PROKR1: variants seen among roughly 807,000 people sequenced by gnomAD.
The protein encoded by PROKR1 is G protein-coupled receptor 73.
Under a neutral mutation model 22.8 loss-of-function variants are expected in PROKR1, and 21 were observed. The ratio of observed to expected loss-of-function variants is 0.92; its 90% CI spans 0.65 to 1.32. The LOEUF (loss-of-function observed/expected upper bound fraction) is 1.32, where lower values mean the gene tolerates loss of function less well. Among genes scored for constraint, PROKR1 ranks in the 40% most tolerant of loss-of-function variants. PROKR1 has a pLI of 0.00. For synonymous variants in PROKR1, 193 were observed against 207.5 expected (o/e 0.93, Z 0.60); for missense variants, 548 against 514.2 (o/e 1.07, Z -0.64).
At chr2:68,644,856 C>G (rs1344981277) in intron 1 of PROKR1, among the ~76,000 whole-genome samples, 1 of 152,102 alleles carries the variant, frequency 6.6e-6, no homozygotes, top group Non-Finnish European at 1.5e-5. Context: ...CACCCCAGCC[C>G]CATTATGTGG....
Position 68,645,971 on chromosome 2 carries a change from G to A in PROKR1, c.150G>A (p.Glu50=). The A allele has an allele frequency of 1.2e-6, 2 of 1,614,230 alleles. No homozygotes were observed. The highest frequency in any genetic ancestry group is 1.7e-6 in the Non-Finnish European group (2 of 1,180,032). The change falls in exon 2 of 3, where the codon GAG becomes GAA. Residue 50 remains glutamate, a synonymous_variant. Coordinates refer to ENST00000303786, the MANE Select transcript of PROKR1 (RefSeq NM_138964.4). ...SDYDMPLDED[E]DVTNSRTFFA... is the part of the protein sequence containing the mutation. ...ATGATATGCCTTTGGATGAAGATGA[G>A]GATGTGACCAATTCCAGGACGTTCT...
At chr2:68,647,315 A>G (rs990756885) in intron 2 of PROKR1, among the ~76,000 whole-genome samples, 4 of 152,136 alleles carry the variant, frequency 2.6e-5, no homozygotes, top group Admixed American at 6.5e-5. Flanking sequence ...TCGGGGGACA[A>G]TCTTTGCTAG....
chr2:68,654,865 G>T lies in PROKR1; in HGVS notation c.486-15G>T. 6.3e-7 allele frequency: 1 copy of T among 1,585,048 alleles called. No individual in the cohort carries two copies. ...TTTCTCACAGTGGCTGCCTCCACTT[G>T]TGTTCTTGCCCTAGGTATCTGGCTA... On this transcript the variant is annotated splice_polypyrimidine_tract_variant and intron_variant, in intron 2 of 2. Transcript: ENST00000303786.
Position 68,645,783 on chromosome 2 carries a change from G to A in PROKR1, c.-39G>A. ...TCAGCCTTGCAGACATTGCCCTGGG[G>A]AATTCTGAGCAGTGTTGCTCACAGC... is the stretch of plus-strand genomic sequence containing the variant. On this transcript the variant is annotated 5_prime_UTR_variant, in exon 2 of 3. Coordinates refer to ENST00000303786, the MANE Select transcript of PROKR1 (RefSeq NM_138964.4). The A allele has an allele frequency of 1.2e-6, 2 of 1,614,082 alleles. No individual in the cohort carries two copies. The highest frequency in any genetic ancestry group is 1.7e-6 in the Non-Finnish European group (2 of 1,180,028).
intron 2 of PROKR1, 72 bp from the exon 3 acceptor site, chr2:68,654,808 A>C (rs1207050518): frequency 5.3e-5 from 25 of 472,512 alleles, no homozygotes; most frequent in Non-Finnish European, 6.7e-5. Context: ...CCCTGTTTCA[A>C]AAAAAAAAAA....
intron 1 of PROKR1, among the ~76,000 whole-genome samples, chr2:68,644,441 G>C (rs4854479): frequency 0.17 from 26,123 of 152,040 alleles, 2,634 homozygotes; most frequent in Non-Finnish European, 0.23. Flanking sequence ...TTGAGAGCTC[G>C]GAGGAAGGAA....
In PROKR1 at chr2:68,657,299, C is replaced by T. The variant is rs960494417; in HGVS notation, c.*1723C>T. On this transcript the variant is annotated 3_prime_UTR_variant, in exon 3 of 3. Transcript: ENST00000303786. ...GCGCCTGGACAAGAAAAACCTCTTA[C>T]TTTGGCTTGTGTATCCAGAAACCTG... is the stretch of plus-strand genomic sequence containing the variant. The T allele has an allele frequency of 6.6e-6, 1 of 152,226 alleles. No individual in the cohort carries two copies. The highest frequency in any genetic ancestry group is 2.1e-4 in the South Asian group (1 of 4,834). 9.4% of individuals were successfully genotyped at this position (152,226 alleles called of 1,614,324 possible).
intron 2 of PROKR1, among the ~76,000 whole-genome samples, chr2:68,651,719 T>A (rs1418791626): frequency 6.6e-6 from 1 of 152,222 alleles, no homozygotes; most frequent in African/African-American, 2.4e-5. Context: ...TACCATGATT[T>A]GATCTGGGGC....
In PROKR1 at chr2:68,646,248, C is replaced by G. The variant is rs2104180201; in HGVS notation, c.427C>G (p.Leu143Val). 6.2e-7 allele frequency: 1 copy of G among 1,614,158 alleles called. No homozygotes were observed. Among genetic ancestry groups the G allele is most frequent in the Non-Finnish European group, 8.5e-7 (1 of 1,179,988 alleles). The change falls in exon 2 of 3, where the codon CTG (leucine) becomes GTG (valine). Residue 143 changes from leucine to valine, a missense_variant. By Grantham distance (32) the Leu-to-Val change is conservative (BLOSUM62 1). Transcript: ENST00000303786. ...CGTCCTGTGCACCTCTGTCAACTAC[C>G]TGCGCACTGTCTCTCTCTATGTCTC... ...GHVLCTSVNY[L>V]RTVSLYVSTN...
chr2:68,655,577 C>T lies in PROKR1; in HGVS notation c.*1C>T, dbSNP rs1435246129. On this transcript the variant is annotated 3_prime_UTR_variant, in exon 3 of 3. Coordinates refer to ENST00000303786, the MANE Select transcript of PROKR1 (RefSeq NM_138964.4). ...GGTGGACTGCATCAGACTAAAATAA[C>T]CCCCTGGACTTTGCAAAGTTTAAAC... 10 of 1,613,282 alleles carry T rather than the reference C, an allele frequency of 6.2e-6. No individual in the cohort carries two copies. In the South Asian group the frequency reaches 1.1e-4, roughly 18 times the overall value.
chr2:68,645,933 A>G lies in PROKR1; in HGVS notation c.112A>G (p.Ser38Gly). The G allele has an allele frequency of 6.2e-7, 1 of 1,614,174 alleles. No homozygotes were observed. The highest frequency in any genetic ancestry group is 1.1e-5 in the South Asian group (1 of 91,088). The change falls in exon 2 of 3, where the codon AGC (serine) becomes GGC (glycine). Residue 38 changes from serine to glycine, a missense_variant. Coordinates refer to ENST00000303786, the MANE Select transcript of PROKR1 (RefSeq NM_138964.4). ...TGCCACTTCCTTCCCATTCAACTTCAGCTACAGCGACTATGATATGCCTTT... is the reference window on the plus strand; with the variant it reads ...TGCCACTTCCTTCCCATTCAACTTCGGCTACAGCGACTATGATATGCCTTT... ...AHATSFPFNFSYSDYDMPLDE... is the reference protein window; with the variant it reads ...AHATSFPFNFGYSDYDMPLDE...
rs1319908204 is a variant in PROKR1, at chr2:68,645,789, T to A, written c.-33T>A. The A allele has an allele frequency of 5.6e-6, 9 of 1,614,084 alleles. No individual in the cohort carries two copies. In the Admixed American group the frequency reaches 1.3e-4, roughly 24 times the overall value. ...TTGCAGACATTGCCCTGGGGAATTC[T>A]GAGCAGTGTTGCTCACAGCACCACC... On this transcript the variant is annotated 5_prime_UTR_variant, in exon 2 of 3. Coordinates refer to ENST00000303786, the MANE Select transcript of PROKR1 (RefSeq NM_138964.4).
chr2:68,654,752 C>T, intron 2 of PROKR1, 128 bp from the exon 3 acceptor site: 1 of 861,434 alleles, frequency 1.2e-6, no homozygotes, highest in Non-Finnish European at 1.8e-6. Context: ...GAGCTATGAT[C>T]ATGCCACTGC....
At chr2:68,646,968 A>G (rs1055394770) in intron 2 of PROKR1, among the ~76,000 whole-genome samples, 5 of 152,162 alleles carry the variant, frequency 3.3e-5, no homozygotes, top group Admixed American at 6.5e-5. Context: ...GGATCACTTG[A>G]GCCCAGGAAT....
Position 68,657,792 on chromosome 2 carries a change from A to G in PROKR1, c.*2216A>G, listed in dbSNP as rs1673503097. The G allele has an allele frequency of 6.6e-6, 1 of 152,198 alleles. No homozygotes were observed. The highest frequency in any genetic ancestry group is 6.5e-5 in the Admixed American group (1 of 15,280). 9.4% of individuals were successfully genotyped at this position (152,198 alleles called of 1,614,324 possible). ...TTGTATAGTTACTTTATTTCCCTGA[A>G]AGACACATTACAAAAACCTATTTAT... On this transcript the variant is annotated 3_prime_UTR_variant, in exon 3 of 3. Coordinates refer to ENST00000303786, the MANE Select transcript of PROKR1 (RefSeq NM_138964.4).
At position 68,643,844 on chromosome 2, in the gene PROKR1, C is replaced by T. The variant is rs887858469; in HGVS notation, c.-165C>T. On this transcript the variant is annotated 5_prime_UTR_variant, in exon 1 of 3. Transcript: ENST00000303786. ...CCTTGCCTGCCGGGCTCCGCGATGC[C>T]GCAGGTACAGAGCGCGCCCTCCCGG... 3 of 152,316 alleles carry T rather than the reference C, an allele frequency of 2.0e-5. No individual in the cohort carries two copies. Among genetic ancestry groups the T allele is most frequent in the East Asian group, 3.8e-4 (2 of 5,198 alleles). The allele number at this position is 152,316 out of a possible 1,614,324, so 9.4% of individuals were successfully genotyped here. A position where few individuals can be genotyped will look rare whatever the true frequency, so the allele number is the denominator to read the frequency against.
At position 68,655,517 on chromosome 2, in the gene PROKR1, G is replaced by A. The variant is rs1243616626; in HGVS notation, c.1123G>A (p.Asp375Asn). The A allele has an allele frequency of 6.2e-7, 1 of 1,614,206 alleles. No individual in the cohort carries two copies. The highest frequency in any genetic ancestry group is 1.1e-5 in the South Asian group (1 of 91,082). ...YNGGKSSADL[D>N]LKTIGMPATE... ...TGGCGGTAAGTCCAGTGCAGACCTG[G>A]ACCTCAAGACAATTGGGATGCCTGC... Residue 375 changes from aspartate to asparagine, a missense_variant, in exon 3 of 3, where the codon GAC (aspartate) becomes AAC (asparagine). Asp to Asn is a conservative substitution (Grantham distance 23). Coordinates refer to ENST00000303786, the MANE Select transcript of PROKR1 (RefSeq NM_138964.4).
intron 1 of PROKR1, among the ~76,000 whole-genome samples, chr2:68,644,601 G>T (rs1460589106): frequency 1.3e-5 from 2 of 152,176 alleles, no homozygotes; most frequent in Non-Finnish European, 2.9e-5. Flanking sequence ...TGGGGGTGGG[G>T]AGGTGGGGTC....
Position 68,646,259 on chromosome 2 carries a change from C to G in PROKR1, c.438C>G (p.Val146=). 1 of 1,614,172 alleles carries G rather than the reference C, an allele frequency of 6.2e-7. No individual in the cohort carries two copies. Among genetic ancestry groups the G allele is most frequent in the Non-Finnish European group, 8.5e-7 (1 of 1,179,998 alleles). The part of the protein sequence containing the change: ...LCTSVNYLRT[V]SLYVSTNALL... ...CCTCTGTCAACTACCTGCGCACTGT[C>G]TCTCTCTATGTCTCCACCAATGCCC... The change falls in exon 2 of 3, where the codon GTC becomes GTG. Residue 146 remains valine, a synonymous_variant. Coordinates refer to ENST00000303786, the MANE Select transcript of PROKR1 (RefSeq NM_138964.4).
Sources: allele counts gnomAD v4.1 joint callset (sites outside exome capture counted in the v4.1 genomes callset), GRCh38; gene constraint gnomAD v4.1.1; transcripts MANE v1.5; gene names NCBI Gene and HGNC (gene_info 2026-07-23, HGNC 2026-07-21).